FERMT2: variants seen among roughly 807,000 people sequenced by gnomAD.
FERMT2 encodes the protein FERM domain containing kindlin 2.
In FERMT2, 15 loss-of-function variants were observed where a neutral mutation model predicts 82.7. That is an observed-to-expected ratio of 0.18 (90% CI 0.12 to 0.28). The LOEUF (loss-of-function observed/expected upper bound fraction) is 0.28, where lower values mean the gene tolerates loss of function less well. Among genes scored for constraint, FERMT2 ranks in the 10% least tolerant of loss-of-function variants. The probability of loss-of-function intolerance (pLI) is 1.00; values close to 1 mark genes in which losing one functional copy is unlikely to be tolerated. For missense variants in FERMT2, 645 were observed against 809.4 expected (o/e 0.80, Z 2.46); for synonymous variants, 274 against 271.5 (o/e 1.01, Z -0.09).
chr14:52,950,064 T>C (rs992472655), intron 2 of FERMT2, among the ~76,000 whole-genome samples: 5 of 152,186 alleles, frequency 3.3e-5, no homozygotes, highest in African/African-American at 9.6e-5. Context: ...GACACTGTAA[T>C]ATCACCCTCC....
At chr14:52,859,457 G>A (rs1195245807) in intron 14 of FERMT2, 116 bp downstream of exon 14, 14 of 993,430 alleles carry the variant, frequency 1.4e-5, no homozygotes, top group Non-Finnish European at 1.8e-5. Flanking sequence ...TGGTCTGTCT[G>A]TACTTTAAGA....
intron 2 of FERMT2, among the ~76,000 whole-genome samples, chr14:52,930,997 T>C (rs1304541853): frequency 6.6e-6 from 1 of 152,196 alleles, no homozygotes; most frequent in African/African-American, 2.4e-5. Context: ...TTGGGGATCA[T>C]GGGGCATCCT....
At chr14:52,884,535 C>A (rs141491310) in intron 4 of FERMT2, among the ~76,000 whole-genome samples, 1 of 151,422 alleles carries the variant, frequency 6.6e-6, no homozygotes, top group African/African-American at 2.4e-5. Flanking sequence ...ACCCGGGAGG[C>A]GGAGTTTGCA....
At chr14:52,934,649 C>G (rs1889752892) in intron 2 of FERMT2, among the ~76,000 whole-genome samples, 1 of 152,190 alleles carries the variant, frequency 6.6e-6, no homozygotes, top group East Asian at 1.9e-4. Flanking sequence ...TTTACCTTCA[C>G]TAAATTCCTT....
intron 4 of FERMT2, among the ~76,000 whole-genome samples, chr14:52,885,692 ACTC>A (rs1886557297): frequency 1.3e-5 from 2 of 152,082 alleles, no homozygotes; most frequent in Admixed American, 1.3e-4. Flanking sequence ...TAATCAAACA[ACTC>A]CTAAATATTG....
chr14:52,864,573 C>T lies in FERMT2; in HGVS notation c.1430G>A (p.Gly477Asp). The T allele has an allele frequency of 6.2e-7, 1 of 1,614,138 alleles. No homozygotes were observed. Among genetic ancestry groups the T allele is most frequent in the Non-Finnish European group, 8.5e-7 (1 of 1,180,032 alleles). Residue 477 changes from glycine (G) to aspartate (D), a missense_variant, in exon 12 of 15, where the codon GGC becomes GAC. Gly to Asp is a moderately conservative substitution (Grantham distance 94, BLOSUM62 -1). Transcript: ENST00000341590. ...WMAACRLASK[G>D]KTMADSSYNL... ...GTAAGAACTGTCCGCCATGGTCTTG[C>T]CTTTGGAGGCTAATCTGCAGGCTGC...
intron 2 of FERMT2, among the ~76,000 whole-genome samples, chr14:52,933,206 CCT>C (rs1378117681): frequency 6.6e-6 from 1 of 152,012 alleles, no homozygotes; most frequent in Admixed American, 6.5e-5. Context: ...TTTACTTTTT[CCT>C]CTCCCTCAGC....
chr14:52,924,649 T>C (rs1889149503), intron 2 of FERMT2, among the ~76,000 whole-genome samples: 1 of 152,106 alleles, frequency 6.6e-6, no homozygotes, highest in Admixed American at 6.5e-5. Flanking sequence ...ATTTCAGTTA[T>C]AATGGTTGGG....
At chr14:52,945,968 C>A (rs554303539) in intron 2 of FERMT2, among the ~76,000 whole-genome samples, 1 of 152,328 alleles carries the variant, frequency 6.6e-6, no homozygotes, top group African/African-American at 2.4e-5. Context: ...CCTCCGCCTC[C>A]TGGGTTCGAG....
chr14:52,890,957 G>A (rs1886908294), intron 4 of FERMT2, among the ~76,000 whole-genome samples: 1 of 152,020 alleles, frequency 6.6e-6, no homozygotes, highest in South Asian at 2.1e-4. Flanking sequence ...ACCAGTATCG[G>A]CAACCCTTCC....
chr14:52,913,594 T>TG (rs1190594694), intron 3 of FERMT2, among the ~76,000 whole-genome samples: 1 of 151,598 alleles, frequency 6.6e-6, no homozygotes, highest in Non-Finnish European at 1.5e-5. Flanking sequence ...AGGAGGGAGG[T>TG]GGGCTTTGTC....
chr14:52,942,538 G>A (rs948772328), intron 2 of FERMT2, among the ~76,000 whole-genome samples: 1 of 151,896 alleles, frequency 6.6e-6, no homozygotes, highest in Admixed American at 6.6e-5. Context: ...TCCTGACCTC[G>A]TGAGCCACCT....
At chr14:52,885,738 T>A (rs1566729821) in intron 4 of FERMT2, among the ~76,000 whole-genome samples, 1 of 152,176 alleles carries the variant, frequency 6.6e-6, no homozygotes, top group Non-Finnish European at 1.5e-5. Context: ...TTACCTAACT[T>A]ATTATAAATT....
At chr14:52,915,477 C>G (rs954833326) in intron 3 of FERMT2, among the ~76,000 whole-genome samples, 1 of 152,168 alleles carries the variant, frequency 6.6e-6, no homozygotes, top group Non-Finnish European at 1.5e-5. Context: ...ATCCACACAA[C>G]ATGGAATTTT....
At chr14:52,893,240 G>A (rs530385559) in intron 4 of FERMT2, 53 bp downstream of exon 4, 123 of 1,494,072 alleles carry the variant, frequency 8.2e-5, no homozygotes, top group Non-Finnish European at 1.1e-4. Flanking sequence ...GAAAGACAAA[G>A]GTACACAGTC....
rs1887317954 is a variant in FERMT2 at position 52,897,041 on chromosome 14, CA to C, written c.392-3615del. 4.1e-5 allele frequency among the ~76,000 whole-genome samples: 5 copies of C among 122,918 alleles called. No homozygotes were observed. In the South Asian group the frequency reaches 8.1e-4, roughly 20 times the overall value. The allele number at this position is 122,918 out of a possible 152,430, so 80.6% of individuals were successfully genotyped here. Reference sequence around the variant, plus strand: ...ACACACACACACACACACACACACACACACACACCATGGTAGAAATTTGGAA... The same window carrying C: ...ACACACACACACACACACACACACACCACACACCATGGTAGAAATTTGGAA... On this transcript the variant is annotated intron_variant, in intron 3 of 14. Coordinates refer to ENST00000341590, the MANE Select transcript of FERMT2 (RefSeq NM_006832.3).
At chr14:52,886,289 GAGAC>G (rs71125143) in intron 4 of FERMT2, among the ~76,000 whole-genome samples, 40,704 of 151,532 alleles carry the variant, frequency 0.27, 5,869 homozygotes, top group East Asian at 0.37. Flanking sequence ...GAGAGAGAGA[GAGAC>G]AGACAGAGTG....
At chr14:52,945,623 T>G in intron 2 of FERMT2, among the ~76,000 whole-genome samples, 1 of 150,674 alleles carries the variant, frequency 6.6e-6, no homozygotes, top group East Asian at 1.9e-4. Flanking sequence ...CCAATTTGCA[T>G]TTTTTTCCCT....
intron 3 of FERMT2, among the ~76,000 whole-genome samples, chr14:52,906,866 G>C (rs552663182): frequency 1.2e-4 from 15 of 123,520 alleles, no homozygotes; most frequent in Admixed American, 2.1e-4. Context: ...TTCCAAGGCA[G>C]ACAGAAAACA....
Sources: gnomAD v4.1 joint callset for allele counts (sites outside exome capture counted in the v4.1 genomes callset) on GRCh38, gnomAD v4.1.1 for gene constraint, MANE v1.5 for transcripts, NCBI Gene and HGNC (gene_info 2026-07-23, HGNC 2026-07-21) for gene names.